SETD2: variants seen among roughly 807,000 people sequenced by gnomAD.
The protein encoded by SETD2 is SET domain containing 2, histone lysine methyltransferase, also known as histone-lysine N-methyltransferase SETD2.
SETD2 carries 31 observed loss-of-function variants against 242.1 expected under a neutral mutation model. The observed-to-expected ratio is 0.13, with a 90% confidence interval of 0.10 to 0.17. SETD2 has a LOEUF of 0.17. Ranked by LOEUF, SETD2 falls within the 10% of genes least tolerant of loss-of-function variation. SETD2 has a pLI of 1.00. For synonymous variants in SETD2, 1,006 were observed against 1,066.5 expected, an observed-to-expected ratio of 0.94 and a Z score of 1.11; for missense variants, 2,481 against 3,046.3, an observed-to-expected ratio of 0.81 and a Z score of 4.37.
At chr3:47,045,701 T>A (rs1254208496) in intron 16 of SETD2, among the ~76,000 whole-genome samples, 4 of 127,008 alleles carry the variant, frequency 3.1e-5, no homozygotes, top group Non-Finnish European at 6.7e-5. Flanking sequence ...AAAAAAAAAA[T>A]TATTACTTCA....
In SETD2 at chr3:47,163,882, A is replaced by G; in HGVS notation, c.43T>C (p.Phe15Leu). ...GGGGTCGGGTGCTCCGGGTCGTAGAAATCCCCCATCTTCGGAGGCGGCTGC... is the reference window on the plus strand; with the variant it reads ...GGGGTCGGGTGCTCCGGGTCGTAGAGATCCCCCATCTTCGGAGGCGGCTGC... ...QPQPPPKMGD[F>L]YDPEHPTPEE... The change falls in exon 1 of 21, where the codon TTC becomes CTC. Residue 15 changes from phenylalanine to leucine, a missense_variant. By Grantham distance (22) the Phe-to-Leu change is conservative (BLOSUM62 0). This residue lies in a region of SETD2 where 334 missense variants were observed against 374.5 expected (regional missense o/e 0.89). Transcript: ENST00000409792. 7.6e-7 allele frequency: 1 copy of G among 1,319,612 alleles called. No homozygotes were observed. The highest frequency in any genetic ancestry group is 9.7e-7 in the Non-Finnish European group (1 of 1,028,284). 81.7% of individuals were successfully genotyped at this position (1,319,612 alleles called of 1,614,324 possible).
At chr3:47,159,770 T>G (rs1697433672) in intron 1 of SETD2, among the ~76,000 whole-genome samples, 1 of 150,728 alleles carries the variant, frequency 6.6e-6, no homozygotes, top group Non-Finnish European at 1.5e-5. Flanking sequence ...AGGTCAGGAG[T>G]TCAAGACCAG....
At chr3:47,133,534 A>T (rs1034482300) in intron 1 of SETD2, among the ~76,000 whole-genome samples, 2 of 152,028 alleles carry the variant, frequency 1.3e-5, no homozygotes, top group Admixed American at 1.3e-4. Flanking sequence ...GGAGTTGGAG[A>T]CCAGCCTGGC....
At chr3:47,081,354 A>G (rs2041311175) in intron 12 of SETD2, among the ~76,000 whole-genome samples, 1 of 152,216 alleles carries the variant, frequency 6.6e-6, no homozygotes, top group Non-Finnish European at 1.5e-5. Flanking sequence ...TGAAATGGCC[A>G]TAACCACATA....
chr3:47,088,066 T>C, intron 10 of SETD2, 47 bp downstream of exon 10: 1 of 1,568,950 alleles, frequency 6.4e-7, no homozygotes, highest in Non-Finnish European at 8.7e-7. Context: ...CATTCATTCA[T>C]TCCCACCACA....
rs554368173 is a variant in SETD2 at position 47,163,537 on chromosome 3, G to A, written c.71+317C>T. 255 of 159,774 alleles carry A rather than the reference G, an allele frequency of 1.6e-3. 2 individuals are homozygous for A. Among genetic ancestry groups the A allele is most frequent in the African/African-American group, 5.4e-3 (225 of 41,794 alleles). The allele number at this position is 159,774 out of a possible 1,614,324, so 9.9% of individuals were successfully genotyped here. ...ACGAGGAGCCCGAGAGGACCGCCGA[G>A]CCCCGGGATGGCCGGGTCGGTGCGG... On this transcript the variant is annotated intron_variant, in intron 1 of 20. Transcript: ENST00000409792.
At chr3:47,051,017 G>A (rs2039818851) in intron 15 of SETD2, among the ~76,000 whole-genome samples, 1 of 151,900 alleles carries the variant, frequency 6.6e-6, no homozygotes, top group African/African-American at 2.4e-5. Context: ...ATAGATGTGA[G>A]CCACCGCACC....
intron 15 of SETD2, among the ~76,000 whole-genome samples, chr3:47,049,338 TA>T (rs2039693338): frequency 1.5e-5 from 2 of 133,090 alleles, no homozygotes; most frequent in African/African-American, 5.6e-5. Flanking sequence ...TATATATATA[TA>T]TATATATATG....
intron 1 of SETD2, among the ~76,000 whole-genome samples, chr3:47,142,665 A>G (rs945950994): frequency 1.3e-5 from 2 of 148,964 alleles, no homozygotes. Flanking sequence ...CCATATATAC[A>G]TTGTCTTTTT....
At position 47,124,540 on chromosome 3, in the gene SETD2, A is replaced by C; in HGVS notation, c.96T>G (p.Ile32Met). Residue 32 changes from isoleucine to methionine, a missense_variant, in exon 3 of 21, where the codon ATT becomes ATG. This residue lies in a region of SETD2 where 334 missense variants were observed against 374.5 expected (regional missense o/e 0.89). Coordinates refer to ENST00000409792, the MANE Select transcript of SETD2 (RefSeq NM_014159.7). ...TGAAACCTGTTTTCTGCACATTTTC[A>C]ATCTTTGCCTACAAATGAACAAAAT... ...TPEEEENEAK[I>M]ENVQKTGFIK... 4 of 1,539,808 alleles carry C rather than the reference A, an allele frequency of 2.6e-6. No individual in the cohort carries two copies. The highest frequency in any genetic ancestry group is 1.2e-5 in the South Asian group (1 of 83,100).
chr3:47,031,248 T>C (rs2038754235), intron 18 of SETD2, among the ~76,000 whole-genome samples: 1 of 152,190 alleles, frequency 6.6e-6, no homozygotes, highest in Non-Finnish European at 1.5e-5. Context: ...ATGTAAATTA[T>C]GGACTTTGGG....
At chr3:47,098,839 T>G (rs1459130213) in intron 8 of SETD2, among the ~76,000 whole-genome samples, 1 of 152,058 alleles carries the variant, frequency 6.6e-6, no homozygotes, top group Non-Finnish European at 1.5e-5. Context: ...AATAGTAAAC[T>G]GGTGGACTTA....
At chr3:47,022,521 T>G (rs1414763777) in intron 18 of SETD2, among the ~76,000 whole-genome samples, 2 of 152,084 alleles carry the variant, frequency 1.3e-5, no homozygotes, top group Admixed American at 1.3e-4. Context: ...AAAAAAGCAC[T>G]TTTAAGGAAA....
chr3:47,070,539 C>G (rs929854694), intron 12 of SETD2, among the ~76,000 whole-genome samples: 25 of 152,246 alleles, frequency 1.6e-4, no homozygotes, highest in African/African-American at 5.3e-4. Context: ...AGCAGCCACG[C>G]GAGGATAACT....
At chr3:47,063,955 C>T (rs2040446897) in intron 13 of SETD2, among the ~76,000 whole-genome samples, 1 of 150,346 alleles carries the variant, frequency 6.7e-6, no homozygotes, top group Non-Finnish European at 1.5e-5. Flanking sequence ...TGCATTCCAG[C>T]CTGGGCGACA....
chr3:47,116,780 T>C, intron 3 of SETD2, 26 bp from the exon 4 acceptor site: 1 of 1,480,208 alleles, frequency 6.8e-7, no homozygotes, highest in Non-Finnish European at 9.3e-7. Flanking sequence ...TCATAAAAAC[T>C]GATTAAATAA....
intron 12 of SETD2, among the ~76,000 whole-genome samples, chr3:47,075,087 T>C (rs1575731641): frequency 6.7e-6 from 1 of 150,104 alleles, no homozygotes; most frequent in Non-Finnish European, 1.5e-5. Context: ...TGAGCCGAGA[T>C]TGCGCCACTG....
intron 3 of SETD2, 49 bp downstream of exon 3, chr3:47,120,130 TAAC>T: frequency 7.2e-7 from 1 of 1,385,436 alleles, no homozygotes; most frequent in Non-Finnish European, 9.8e-7. Flanking sequence ...AGGCTTTTTC[TAAC>T]AACAAAAAAA....
chr3:47,120,747 G>A lies in SETD2; in HGVS notation c.3889C>T (p.Arg1297Cys), dbSNP rs1000273506. ...QQNAEQYGGTRDYWQGNGYWD... is the reference protein window; with the variant it reads ...QQNAEQYGGTCDYWQGNGYWD... The stretch of plus-strand genomic sequence containing the variant: ...TAACCATTGCCTTGCCAGTAATCAC[G>A]TGTCCCACCATACTGTTCTGCATTT... Residue 1297 changes from arginine to cysteine, a missense_variant, in exon 3 of 21, where the codon CGT (arginine) becomes TGT (cysteine). Physicochemically the swap from Arg to Cys is radical, Grantham distance 180 (BLOSUM62 -3). Coordinates refer to ENST00000409792, the MANE Select transcript of SETD2 (RefSeq NM_014159.7). The A allele has an allele frequency of 8.1e-6, 13 of 1,613,990 alleles. No individual in the cohort carries two copies. Among genetic ancestry groups the A allele is most frequent in the East Asian group, 4.5e-5 (2 of 44,888 alleles).
Sources: allele counts gnomAD v4.1 joint callset (sites outside exome capture counted in the v4.1 genomes callset), GRCh38; gene constraint gnomAD v4.1.1; regional missense constraint gnomAD v4.1.1; transcripts MANE v1.5; gene names NCBI Gene and HGNC (gene_info 2026-07-23, HGNC 2026-07-21).